Variants in PNPO observed in about 807,000 individuals in gnomAD.
The protein encoded by PNPO is pyridoxamine 5'-phosphate oxidase.
In PNPO, 39 loss-of-function variants were observed where a neutral mutation model predicts 35.0. The ratio of observed to expected loss-of-function variants is 1.11; its 90% CI spans 0.86 to 1.45. PNPO has a LOEUF of 1.45. Ranked by LOEUF, PNPO falls within the 40% of genes most tolerant of loss-of-function variation. The pLI, the probability that PNPO is intolerant of heterozygous loss-of-function variation, is 0.00. For synonymous variants in PNPO, 115 were observed against 119.8 expected (o/e 0.96, Z 0.26); for missense variants, 288 against 340.0 (o/e 0.85, Z 1.20).
In PNPO at chr17:47,947,361, T is replaced by G. The variant is rs1408239109; in HGVS notation, c.*579T>G. On this transcript the variant is annotated 3_prime_UTR_variant, in exon 7 of 7. Coordinates refer to ENST00000642017, the MANE Select transcript of PNPO (RefSeq NM_018129.4). ...TCCCTGGATCCCTCCCTCCCAGGTC[T>G]GGGCTGTGCAGTTCCTCCCCCTGCC... 1 of 156,206 alleles carries G rather than the reference T, an allele frequency of 6.4e-6. No individual in the cohort carries two copies. The highest frequency in any genetic ancestry group is 1.4e-5 in the Non-Finnish European group (1 of 70,538). The allele number at this position is 156,206 out of a possible 1,614,324, so 9.7% of individuals were successfully genotyped here.
Position 47,946,696 on chromosome 17 carries a change from C to G in PNPO, c.700C>G (p.Arg234Gly), listed in dbSNP as rs368943864. The G allele has an allele frequency of 2.5e-6, 4 of 1,614,046 alleles. No individual in the cohort carries two copies. The African/African-American group carries it at 5.3e-5, about 22-fold the overall frequency. ...NRLHDRIVFR[R>G]GLPTGDSPLG... is the part of the protein sequence containing the mutation. ...CCTGCATGACCGGATAGTCTTTCGG[C>G]GGGGCCTACCCACAGGAGATTCCCC... The change falls in exon 7 of 7, where the codon CGG (arginine) becomes GGG (glycine). Residue 234 changes from arginine to glycine, a missense_variant. Coordinates refer to ENST00000642017, the MANE Select transcript of PNPO (RefSeq NM_018129.4).
rs942156346 is a variant in PNPO, at chr17:47,945,457, G to A, written c.364-102G>A. 1 of 877,394 alleles carries A rather than the reference G, an allele frequency of 1.1e-6. No individual in the cohort carries two copies. The highest frequency in any genetic ancestry group is 1.7e-5 in the Admixed American group (1 of 58,994). The allele number at this position is 877,394 out of a possible 1,614,324, so 54.4% of individuals were successfully genotyped here. The stretch of plus-strand genomic sequence containing the variant: ...ATGAGCTCTTACGGTGGGTGCATCT[G>A]CTGTGGGCCTGCGCACTACAGCTCT... On this transcript the variant is annotated intron_variant, in intron 3 of 6. Transcript: ENST00000642017. This position sits in a 1 kb window ranked among gnomAD's most constrained non-coding sequence, Gnocchi z 4.0.
chr17:47,944,562 T>A, intron 2 of PNPO, 54 bp from the exon 3 acceptor site: 1 of 1,373,720 alleles, frequency 7.3e-7, no homozygotes, highest in Non-Finnish European at 1.0e-6. Context: ...AGAGGGACTA[T>A]AGCCAGAACA....
At chr17:47,946,097 T>G in intron 5 of PNPO, 108 bp downstream of exon 5, 1 of 1,422,930 alleles carries the variant, frequency 7.0e-7, no homozygotes. Context: ...GTCCTCTCTC[T>G]CCAGCCCAGT....
At chr17:47,944,949 A>C in intron 3 of PNPO, 1 of 579,484 alleles carries the variant, frequency 1.7e-6, no homozygotes, top group Non-Finnish European at 3.1e-6. Context: ...CTCAGCCCAC[A>C]TGTTACCTCC....
rs372213116 is a variant in PNPO, at chr17:47,945,780, G to A, written c.418-81G>A. 7.7e-6 allele frequency: 12 copies of A among 1,561,886 alleles called. No homozygotes were observed. Among genetic ancestry groups the A allele is most frequent in the Middle Eastern group, 1.8e-4 (1 of 5,500 alleles). Reference sequence around the variant, plus strand: ...GCCAAGAGTGGTGGGGCAGCCGATCGAACAGAGAGGAACGGGGCCTGTGCT... The same window carrying A: ...GCCAAGAGTGGTGGGGCAGCCGATCAAACAGAGAGGAACGGGGCCTGTGCT... On this transcript the variant is annotated intron_variant, in intron 4 of 6. Transcript: ENST00000642017. This position sits in a 1 kb window ranked among gnomAD's most constrained non-coding sequence, Gnocchi z 4.0.
At position 47,941,607 on chromosome 17, in the gene PNPO, G is replaced by C; in HGVS notation, c.-69G>C. 1 of 1,458,466 alleles carries C rather than the reference G, an allele frequency of 6.9e-7. No individual in the cohort carries two copies. The highest frequency in any genetic ancestry group is 9.1e-7 in the Non-Finnish European group (1 of 1,096,996). The allele number at this position is 1,458,466 out of a possible 1,614,324, so 90.3% of individuals were successfully genotyped here. A position where few individuals can be genotyped will look rare whatever the true frequency, so the allele number is the denominator to read the frequency against. Reference sequence around the variant, plus strand: ...TCCCCGGGGTAGAAGTCCAGGGTGAGAAATTGGTTCCGAACTCAAAGGAAC... The same window carrying C: ...TCCCCGGGGTAGAAGTCCAGGGTGACAAATTGGTTCCGAACTCAAAGGAAC... On this transcript the variant is annotated 5_prime_UTR_variant, in exon 1 of 7. Coordinates refer to ENST00000642017, the MANE Select transcript of PNPO (RefSeq NM_018129.4).
In PNPO at chr17:47,946,697, G is replaced by A. The variant is rs1446089309; in HGVS notation, c.701G>A (p.Arg234Gln). Residue 234 changes from arginine to glutamine, a missense_variant, in exon 7 of 7, where the codon CGG becomes CAG. Physicochemically the swap from Arg to Gln is conservative, Grantham distance 43 (BLOSUM62 1). Coordinates refer to ENST00000642017, the MANE Select transcript of PNPO (RefSeq NM_018129.4). ...NRLHDRIVFR[R>Q]GLPTGDSPLG... ...CTGCATGACCGGATAGTCTTTCGGC[G>A]GGGCCTACCCACAGGAGATTCCCCT... is the stretch of plus-strand genomic sequence containing the variant. 26 of 1,614,066 alleles carry A rather than the reference G, an allele frequency of 1.6e-5. No homozygotes were observed. The African/African-American group carries it at 1.9e-4, about 12-fold the overall frequency.
chr17:47,946,630 T>G lies in PNPO; in HGVS notation c.634T>G (p.Tyr212Asp), dbSNP rs200344643. 6.2e-7 allele frequency: 1 copy of G among 1,614,186 alleles called. No homozygotes were observed. Among genetic ancestry groups the G allele is most frequent in the Non-Finnish European group, 8.5e-7 (1 of 1,180,016 alleles). Residue 212 changes from tyrosine (Y) to aspartate (D), a missense_variant, in exon 7 of 7, where the codon TAC (tyrosine) becomes GAC (aspartate). Coordinates refer to ENST00000642017, the MANE Select transcript of PNPO (RefSeq NM_018129.4). ...TCCTTATAGGGGTGGCTATGTCCTG[T>G]ACCCTCAGGTGATGGAGTTCTGGCA... is the stretch of plus-strand genomic sequence containing the variant. ...KPKSWGGYVL[Y>D]PQVMEFWQGQ...
rs769266169 is a variant in PNPO at position 47,946,669 on chromosome 17, C to A, written c.673C>A (p.Arg225Ser). 1 of 1,614,180 alleles carries A rather than the reference C, an allele frequency of 6.2e-7. No homozygotes were observed. The highest frequency in any genetic ancestry group is 8.5e-7 in the Non-Finnish European group (1 of 1,180,002). The stretch of plus-strand genomic sequence containing the variant: ...GGAGTTCTGGCAAGGTCAAACCAAC[C>A]GCCTGCATGACCGGATAGTCTTTCG... ...VMEFWQGQTN[R>S]LHDRIVFRRG... is the part of the protein sequence containing the mutation. Residue 225 changes from arginine (R) to serine (S), a missense_variant, in exon 7 of 7, where the codon CGC becomes AGC. Arg to Ser is a moderately radical substitution (Grantham distance 110). Transcript: ENST00000642017.
At position 47,945,465 on chromosome 17, in the gene PNPO, C is replaced by T; in HGVS notation, c.364-94C>T. The T allele has an allele frequency of 1.1e-6, 1 of 933,288 alleles. No individual in the cohort carries two copies. Among genetic ancestry groups the T allele is most frequent in the South Asian group, 1.3e-5 (1 of 77,096 alleles). 57.8% of individuals were successfully genotyped at this position (933,288 alleles called of 1,614,324 possible). On this transcript the variant is annotated intron_variant, in intron 3 of 6. Transcript: ENST00000642017. The surrounding 1 kb of genome is among the most constrained non-coding windows in gnomAD (Gnocchi z 4.0). ...TTACGGTGGGTGCATCTGCTGTGGG[C>T]CTGCGCACTACAGCTCTCCTGCCTT...
chr17:47,946,064 GCCAGGAGATGTCC>G lies in PNPO; in HGVS notation c.546+89_546+101del, dbSNP rs535036009. 475 of 1,552,870 alleles carry G rather than the reference GCCAGGAGATGTCC, an allele frequency of 3.1e-4. 4 individuals carry two copies. The highest frequency in any genetic ancestry group is 6.3e-4 in the Middle Eastern group (3 of 4,758). ...TCCCCAGAAGCTGTCCCCAGGAGAT[GCCAGGAGATGTCC>G]CCAGGAGATGTCCTCTCTCTCCAGC... On this transcript the variant is annotated intron_variant, in intron 5 of 6. Transcript: ENST00000642017.
chr17:47,946,414 C>A, intron 6 of PNPO, 21 bp downstream of exon 6: 1 of 1,582,846 alleles, frequency 6.3e-7, no homozygotes, highest in Non-Finnish European at 8.7e-7. Flanking sequence ...TCTGGTAGTC[C>A]TCTAGAAAGG....
chr17:47,942,354 G>A lies in PNPO; in HGVS notation c.138+541G>A, dbSNP rs2035950634. 2.0e-5 allele frequency among the ~76,000 whole-genome samples: 3 copies of A among 151,132 alleles called. No homozygotes were observed. In the South Asian group the frequency reaches 6.3e-4, roughly 32 times the overall value. ...TCTACTGGGGGGAGGGGAGTAGGAG[G>A]AAACAGCCCCTCAGGGCTTCTGGGG... On this transcript the variant is annotated intron_variant, in intron 1 of 6. Coordinates refer to ENST00000642017, the MANE Select transcript of PNPO (RefSeq NM_018129.4).
rs1162446525 is a variant in PNPO, at chr17:47,947,816, C to T, written c.*1034C>T. ...TGCTGGGATTACAGGCATGAGCCAC[C>T]ACACCCAGCGAGACGGGGTTTCATT... On this transcript the variant is annotated 3_prime_UTR_variant, in exon 7 of 7. Coordinates refer to ENST00000642017, the MANE Select transcript of PNPO (RefSeq NM_018129.4). The T allele has an allele frequency of 6.6e-6, 1 of 152,216 alleles. No homozygotes were observed. Among genetic ancestry groups the T allele is most frequent in the East Asian group, 1.9e-4 (1 of 5,206 alleles). 9.4% of individuals were successfully genotyped at this position (152,216 alleles called of 1,614,324 possible). A position where few individuals can be genotyped will look rare whatever the true frequency, so the allele number is the denominator to read the frequency against.
Position 47,946,788 on chromosome 17 carries a change from G to A in PNPO, c.*6G>A. On this transcript the variant is annotated 3_prime_UTR_variant, in exon 7 of 7. Coordinates refer to ENST00000642017, the MANE Select transcript of PNPO (RefSeq NM_018129.4). ...ATGAGAGACTTGCACCTTAACTCTGGGACCTGCTGGCCCAGAGTGGAGCTA... is the reference window on the plus strand; with the variant it reads ...ATGAGAGACTTGCACCTTAACTCTGAGACCTGCTGGCCCAGAGTGGAGCTA... 2 of 1,613,730 alleles carry A rather than the reference G, an allele frequency of 1.2e-6. No homozygotes were observed. The highest frequency in any genetic ancestry group is 1.7e-4 in the Middle Eastern group (1 of 5,980).
In PNPO at chr17:47,945,990, G is replaced by A; in HGVS notation, c.546+1G>A. The A allele has an allele frequency of 6.2e-7, 1 of 1,613,824 alleles. No homozygotes were observed. The highest frequency in any genetic ancestry group is 1.3e-5 in the African/African-American group (1 of 75,052). On this transcript the variant is annotated splice_donor_variant, in intron 5 of 6. Coordinates refer to ENST00000642017, the MANE Select transcript of PNPO (RefSeq NM_018129.4). LOFTEE classifies it high-confidence loss of function. This position sits in a 1 kb window ranked among gnomAD's most constrained non-coding sequence, Gnocchi z 4.0. ...GAGTTCTGTGATCCCTGATCGGGAG[G>A]TGAGTGGAGCTCCGCTGTAGTCCTC...
At chr17:47,946,164 G>A in intron 5 of PNPO, 159 bp from the exon 6 acceptor site, 1 of 1,019,768 alleles carries the variant, frequency 9.8e-7, no homozygotes, top group South Asian at 1.3e-5. Context: ...AGGGGAAATA[G>A]GCCTCCTCTG....
intron 6 of PNPO, 77 bp downstream of exon 6, chr17:47,946,470 C>A: frequency 7.2e-7 from 1 of 1,390,568 alleles, no homozygotes; most frequent in Non-Finnish European, 1.0e-6. Context: ...CCTGGGGAAT[C>A]ACAGATCTCC....
Sources: allele counts gnomAD v4.1 joint callset (sites outside exome capture counted in the v4.1 genomes callset), GRCh38; gene constraint gnomAD v4.1.1; non-coding constraint Gnocchi (gnomAD v3.1); transcripts MANE v1.5; gene names NCBI Gene and HGNC (gene_info 2026-07-23, HGNC 2026-07-21).